The following MARCHF5 variants were observed in gnomAD, a reference collection of about 807,000 sequenced individuals.
MARCHF5 encodes E3 ubiquitin-protein ligase MARCHF5.
A neutral mutation model predicts 36.5 loss-of-function variants in MARCHF5; 5 were observed. The ratio of observed to expected loss-of-function variants is 0.14; its 90% CI spans 0.07 to 0.29. The LOEUF (loss-of-function observed/expected upper bound fraction) is 0.29. MARCHF5 is among the 10% of genes least tolerant of loss of function. The probability of loss-of-function intolerance (pLI) is 1.00; values close to 1 mark genes in which losing one functional copy is unlikely to be tolerated. For synonymous variants in MARCHF5, 103 were observed against 109.9 expected (o/e 0.94, Z 0.39); for missense variants, 179 against 336.3 (o/e 0.53, Z 3.66).
Position 92,352,319 on chromosome 10 carries a change from A to G in MARCHF5, c.*1112A>G, listed in dbSNP as rs1177605149. 6.6e-6 allele frequency: 1 copy of G among 152,192 alleles called. No individual in the cohort carries two copies. The highest frequency in any genetic ancestry group is 6.5e-5 in the Admixed American group (1 of 15,278). 9.4% of individuals were successfully genotyped at this position (152,192 alleles called of 1,614,324 possible). Reference sequence around the variant, plus strand: ...AGTATGAAAACAAGAAGTCTTAAGTAAATATTGAGGTCATTGTTTTTGGCT... The same window carrying G: ...AGTATGAAAACAAGAAGTCTTAAGTGAATATTGAGGTCATTGTTTTTGGCT... On this transcript the variant is annotated 3_prime_UTR_variant, in exon 6 of 6. Coordinates refer to ENST00000358935, the MANE Select transcript of MARCHF5 (RefSeq NM_017824.5).
intron 2 of MARCHF5, among the ~76,000 whole-genome samples, chr10:92,324,425 A>T (rs1843329261): frequency 6.6e-6 from 1 of 152,096 alleles, no homozygotes; most frequent in Non-Finnish European, 1.5e-5. Flanking sequence ...GCAGTGGCAC[A>T]GTCTTGGCTC....
intron 2 of MARCHF5, among the ~76,000 whole-genome samples, chr10:92,327,043 C>T (rs1843369771): frequency 6.6e-6 from 1 of 152,052 alleles, no homozygotes. Context: ...CTCTCCCTCT[C>T]TCCCTACACT....
intron 2 of MARCHF5, among the ~76,000 whole-genome samples, chr10:92,328,823 T>TA (rs1330052359): frequency 2.8e-4 from 37 of 130,810 alleles, no homozygotes; most frequent in African/African-American, 5.8e-4. Flanking sequence ...ATATATATAT[T>TA]TTTTTTTTTT....
chr10:92,303,277 T>C (rs1484411413), intron 1 of MARCHF5, among the ~76,000 whole-genome samples: 1 of 152,248 alleles, frequency 6.6e-6, no homozygotes. Flanking sequence ...TTGTAATATC[T>C]AGCTTCATCT....
intron 1 of MARCHF5, among the ~76,000 whole-genome samples, chr10:92,304,673 T>C (rs1843051405): frequency 2.0e-5 from 3 of 152,224 alleles, no homozygotes; most frequent in African/African-American, 7.2e-5. Context: ...TCATTTCTAA[T>C]TGCTGTGCTG....
intron 1 of MARCHF5, among the ~76,000 whole-genome samples, chr10:92,304,668 T>C (rs1277315020): frequency 1.3e-5 from 2 of 152,238 alleles, no homozygotes; most frequent in East Asian, 3.8e-4. Context: ...TATACTCATT[T>C]CTAATTGCTG....
chr10:92,296,151 A>T lies in MARCHF5; in HGVS notation c.35+4622A>T, dbSNP rs548344503. On this transcript the variant is annotated intron_variant, in intron 1 of 5. Coordinates refer to ENST00000358935, the MANE Select transcript of MARCHF5 (RefSeq NM_017824.5). ...CTGCTTCCCAAAGTGCTGGGATTAC[A>T]GGGGTGAGCCACCACTCCTGACCAT... Among the ~76,000 whole-genome samples, 4 of 152,306 alleles carry T rather than the reference A, an allele frequency of 2.6e-5. No individual in the cohort carries two copies. In the South Asian group the frequency reaches 8.3e-4, roughly 32 times the overall value.
At chr10:92,332,871 T>C (rs1177701039) in intron 2 of MARCHF5, among the ~76,000 whole-genome samples, 5 of 151,008 alleles carry the variant, frequency 3.3e-5, no homozygotes, top group Admixed American at 3.3e-4. Flanking sequence ...TTCAATAAAA[T>C]TCACATTTGT....
intron 2 of MARCHF5, among the ~76,000 whole-genome samples, chr10:92,328,720 A>G (rs1843398858): frequency 6.6e-6 from 1 of 150,916 alleles, no homozygotes; most frequent in Non-Finnish European, 1.5e-5. Context: ...CTGATACACT[A>G]CGAACACTTG....
At chr10:92,345,438 G>A (rs1307655552) in intron 3 of MARCHF5, among the ~76,000 whole-genome samples, 1 of 152,150 alleles carries the variant, frequency 6.6e-6, no homozygotes, top group African/African-American at 2.4e-5. Flanking sequence ...CTGGGAGGCA[G>A]AGGTTGTAGT....
At chr10:92,349,927 G>T (rs919380688) in intron 5 of MARCHF5, 90 bp downstream of exon 5, 5 of 1,042,954 alleles carry the variant, frequency 4.8e-6, no homozygotes, top group Non-Finnish European at 7.0e-6. Context: ...ATAAATATTC[G>T]GTCTGTGGCT....
intron 3 of MARCHF5, among the ~76,000 whole-genome samples, chr10:92,347,558 TA>T (rs1843664278): frequency 1.3e-5 from 2 of 151,920 alleles, no homozygotes; most frequent in African/African-American, 2.4e-5. Context: ...GATAGATAGA[TA>T]AAGAAATTTC....
chr10:92,302,372 T>C (rs1422275300), intron 1 of MARCHF5, among the ~76,000 whole-genome samples: 1 of 152,194 alleles, frequency 6.6e-6, no homozygotes, highest in African/African-American at 2.4e-5. Context: ...GCTTTCTGTT[T>C]CACAATTCTT....
At chr10:92,323,032 C>T (rs1843310829) in intron 2 of MARCHF5, among the ~76,000 whole-genome samples, 1 of 151,984 alleles carries the variant, frequency 6.6e-6, no homozygotes, top group African/African-American at 2.4e-5. Context: ...CACCGGTCCC[C>T]AGCCACCTTC....
intron 2 of MARCHF5, among the ~76,000 whole-genome samples, chr10:92,324,952 C>T (rs1296446344): frequency 6.6e-6 from 1 of 152,040 alleles, no homozygotes; most frequent in Non-Finnish European, 1.5e-5. Flanking sequence ...AACATGTATT[C>T]TGCTGCTGTT....
intron 1 of MARCHF5, among the ~76,000 whole-genome samples, chr10:92,300,188 A>G (rs1353404254): frequency 6.6e-6 from 1 of 151,450 alleles, no homozygotes; most frequent in East Asian, 1.9e-4. Flanking sequence ...AAGAAAAGAA[A>G]AAAAGATCTG....
intron 2 of MARCHF5, among the ~76,000 whole-genome samples, chr10:92,315,120 T>C (rs1025607477): frequency 6.6e-6 from 1 of 152,230 alleles, no homozygotes; most frequent in Non-Finnish European, 1.5e-5. Flanking sequence ...TAATTGTTGG[T>C]TAAAAGAAAA....
At chr10:92,331,443 TTTACC>T (rs1379561941) in intron 2 of MARCHF5, among the ~76,000 whole-genome samples, 1 of 152,098 alleles carries the variant, frequency 6.6e-6, no homozygotes, top group Non-Finnish European at 1.5e-5. Flanking sequence ...CCCCATAATC[TTTACC>T]TAAAATTTTC....
At position 92,319,501 on chromosome 10, in the gene MARCHF5, A is replaced by G. The variant is rs533417212; in HGVS notation, c.238+8164A>G. Among the ~76,000 whole-genome samples, 275 of 151,654 alleles carry G rather than the reference A, an allele frequency of 1.8e-3. 1 individual carries two copies. The highest frequency in any genetic ancestry group is 6.5e-3 in the African/African-American group (267 of 41,368). On this transcript the variant is annotated intron_variant, in intron 2 of 5. Coordinates refer to ENST00000358935, the MANE Select transcript of MARCHF5 (RefSeq NM_017824.5). ...AGTAGAGACGGGGTTTCACCGTGTT[A>G]GCCAGGATGGTCTCGATCTCCTGAC...
Sources: allele counts gnomAD v4.1 joint callset (sites outside exome capture counted in the v4.1 genomes callset), GRCh38; gene constraint gnomAD v4.1.1; transcripts MANE v1.5; gene names NCBI Gene and HGNC (gene_info 2026-07-23, HGNC 2026-07-21).